Variants in EIF2D observed in about 807,000 individuals in gnomAD.
EIF2D encodes the protein eukaryotic translation initiation factor 2D.
A neutral mutation model predicts 77.4 loss-of-function variants in EIF2D; 56 were observed. The ratio of observed to expected loss-of-function variants is 0.72; its 90% CI spans 0.58 to 0.90. The LOEUF (loss-of-function observed/expected upper bound fraction) is 0.90. EIF2D is among the 40% of genes least tolerant of loss of function. The probability of loss-of-function intolerance (pLI) is 0.00; values close to 1 mark genes in which losing one functional copy is unlikely to be tolerated. For synonymous variants in EIF2D, 230 were observed against 271.0 expected (o/e 0.85, Z 1.49); for missense variants, 574 against 706.5 (o/e 0.81, Z 2.13).
intron 2 of EIF2D, 80 bp from the exon 3 acceptor site, chr1:206,609,539 C>T (rs1484153039): frequency 8.7e-6 from 10 of 1,155,436 alleles, no homozygotes; most frequent in Admixed American, 2.2e-5. Context: ...ACACTATGGT[C>T]ACTTTAATTA....
chr1:206,588,867 A>G (rs1348556587), downstream of EIF2D: 3 of 152,802 alleles, frequency 2.0e-5, no homozygotes, highest in African/African-American at 7.2e-5. Context: ...TAACATTAAT[A>G]GAAGGCATGG....
intron 2 of EIF2D, among the ~76,000 whole-genome samples, chr1:206,583,973 A>G (rs189743332): frequency 6.7e-4 from 102 of 152,332 alleles, no homozygotes; most frequent in African/African-American, 2.1e-3. Flanking sequence ...GTAAAGAGAT[A>G]CAGGAGGAAA....
chr1:206,611,084 G>C (rs1670459964), intron 2 of EIF2D, 100 bp downstream of exon 2: 3 of 1,156,348 alleles, frequency 2.6e-6, no homozygotes, highest in Non-Finnish European at 3.6e-6. Context: ...GAGATTTCGT[G>C]CTTGCTTATT....
In EIF2D at chr1:206,597,136, G is replaced by T. The variant is rs1669686436; in HGVS notation, c.1352C>A (p.Thr451Lys). 1 of 1,614,098 alleles carries T rather than the reference G, an allele frequency of 6.2e-7. No individual in the cohort carries two copies. The highest frequency in any genetic ancestry group is 2.2e-5 in the East Asian group (1 of 44,872). ...DCILEKNEQH[T>K]VMKLPWDSLL... ...ACTGTCCCATGGAAGCTTCATGACT[G>T]TATGCTGTTCATTTTTCTCTAAGAT... The change falls in exon 12 of 15, where the codon ACA becomes AAA. Residue 451 changes from threonine (T) to lysine (K), a missense_variant. By Grantham distance (78) the Thr-to-Lys change is moderately conservative. Transcript: ENST00000271764.
At chr1:206,609,591 T>C in intron 2 of EIF2D, 132 bp from the exon 3 acceptor site, 1 of 661,240 alleles carries the variant, frequency 1.5e-6, no homozygotes. Flanking sequence ...AAGAGAAGGT[T>C]GTAAGGGGAT....
rs528259789 is a variant in EIF2D, at chr1:206,605,983, A to G, written c.423-476T>C. 2.6e-5 allele frequency among the ~76,000 whole-genome samples: 4 copies of G among 152,362 alleles called. No individual in the cohort carries two copies. In the South Asian group the frequency reaches 6.2e-4, roughly 24 times the overall value. On this transcript the variant is annotated intron_variant, in intron 4 of 14. Transcript: ENST00000271764. ...GAAGAGACACATAGTGGGGCCAACT[A>G]GAGAAGTTCCTTCTAAGTTGACTTT... is the stretch of plus-strand genomic sequence containing the variant.
chr1:206,572,185 C>A (rs71633592), intron 5 of EIF2D, among the ~76,000 whole-genome samples: 23,138 of 151,958 alleles, frequency 0.15, 2,236 homozygotes, highest in Middle Eastern at 0.35. Flanking sequence ...AGGGTGCATG[C>A]GTGTTACTGC....
downstream of EIF2D, among the ~76,000 whole-genome samples, chr1:206,590,062 G>A (rs1339415409): frequency 2.0e-5 from 3 of 152,158 alleles, no homozygotes; most frequent in East Asian, 1.9e-4. Flanking sequence ...AAAGTTGTAC[G>A]TTTGACATTG....
In EIF2D at chr1:206,599,698, C is replaced by T. The variant is rs782010052; in HGVS notation, c.1052+35G>A. The T allele has an allele frequency of 9.3e-6, 15 of 1,613,504 alleles. No individual in the cohort carries two copies. Among genetic ancestry groups the T allele is most frequent in the Non-Finnish European group, 1.2e-5 (14 of 1,179,636 alleles). On this transcript the variant is annotated intron_variant, in intron 9 of 14. Coordinates refer to ENST00000271764, the MANE Select transcript of EIF2D (RefSeq NM_006893.3). The surrounding 1 kb of genome is among the most constrained non-coding windows in gnomAD (Gnocchi z 4.1). The stretch of plus-strand genomic sequence containing the variant: ...GTCCGTGGCCCAGGTGCCCTGGGGC[C>T]AGCTGGGCTACAGTGACAGGCCCCC...
Position 206,605,494 on chromosome 1 carries a change from T to A in EIF2D, c.436A>T (p.Ile146Phe). The A allele has an allele frequency of 6.2e-7, 1 of 1,614,016 alleles. No homozygotes were observed. The highest frequency in any genetic ancestry group is 8.5e-7 in the Non-Finnish European group (1 of 1,179,964). ...SLVGNRAPVAIGVAAMSTAEM... is the reference protein window; with the variant it reads ...SLVGNRAPVAFGVAAMSTAEM... ...GCTGTGGACATGGCTGCAACTCCAA[T>A]GGCTACAGGGGCTCTAAGAAGAAGG... is the stretch of plus-strand genomic sequence containing the variant. Residue 146 changes from isoleucine to phenylalanine, a missense_variant, in exon 5 of 15, where the codon ATT becomes TTT. Coordinates refer to ENST00000271764, the MANE Select transcript of EIF2D (RefSeq NM_006893.3).
chr1:206,593,697 G>A lies in EIF2D; in HGVS notation c.1606C>T (p.Pro536Ser). The A allele has an allele frequency of 1.2e-6, 2 of 1,614,014 alleles. No homozygotes were observed. The highest frequency in any genetic ancestry group is 1.7e-6 in the Non-Finnish European group (2 of 1,179,984). Residue 536 changes from proline to serine, a missense_variant, in exon 14 of 15, where the codon CCT becomes TCT. By Grantham distance (74) the Pro-to-Ser change is moderately conservative (BLOSUM62 -1). Coordinates refer to ENST00000271764, the MANE Select transcript of EIF2D (RefSeq NM_006893.3). ...AGGCTGTCCTTGGCCCCAGGGGCAGGATTGACGGTGGTGCTAGCCTGGCAT... is the reference window on the plus strand; with the variant it reads ...AGGCTGTCCTTGGCCCCAGGGGCAGAATTGACGGTGGTGCTAGCCTGGCAT... ...QRCQASTTVNPAPGAKDSLQV... is the reference protein window; with the variant it reads ...QRCQASTTVNSAPGAKDSLQV...
At chr1:206,578,233 AGTGTGT>A (rs58059864) in intron 4 of EIF2D, among the ~76,000 whole-genome samples, 43 of 117,580 alleles carry the variant, frequency 3.7e-4, no homozygotes, top group African/African-American at 8.1e-4. Flanking sequence ...AAAAAAAAAA[AGTGTGT>A]GTGTGTGTGT....
intron 4 of EIF2D, among the ~76,000 whole-genome samples, chr1:206,575,182 G>A (rs887611423): frequency 6.6e-6 from 1 of 152,114 alleles, no homozygotes; most frequent in Non-Finnish European, 1.5e-5. Context: ...GCCTGCAGAC[G>A]TTCCCATCTA....
chr1:206,604,584 A>T (rs1311570213), intron 5 of EIF2D: 2 of 150,506 alleles, frequency 1.3e-5, no homozygotes, highest in African/African-American at 4.9e-5. Context: ...AATACAAAAA[A>T]TTAGCCGGGC....
At chr1:206,596,987 G>T in intron 12 of EIF2D, 113 bp downstream of exon 12, 1 of 789,548 alleles carries the variant, frequency 1.3e-6, no homozygotes, top group Non-Finnish European at 2.1e-6. Context: ...GACTTGGTAT[G>T]AATTACAGAA....
downstream of EIF2D, among the ~76,000 whole-genome samples, chr1:206,569,453 A>G (rs2103549966): frequency 6.6e-6 from 1 of 152,280 alleles, no homozygotes; most frequent in East Asian, 1.9e-4. Context: ...TCAGATCTTT[A>G]AAGATGTCAG....
intron 13 of EIF2D, 56 bp downstream of exon 13, chr1:206,595,662 A>G (rs1669612034): frequency 1.1e-5 from 17 of 1,587,386 alleles, no homozygotes; most frequent in Non-Finnish European, 1.5e-5. Context: ...GGGAGACCAG[A>G]ACTTGGCAAG....
At position 206,599,606 on chromosome 1, in the gene EIF2D, T is replaced by C; in HGVS notation, c.1059A>G (p.Thr353=). 1.9e-6 allele frequency: 3 copies of C among 1,598,970 alleles called. No individual in the cohort carries two copies. The highest frequency in any genetic ancestry group is 2.6e-6 in the Non-Finnish European group (3 of 1,172,628). ...VAVDWKHPRI[T]SFVIPEPSPT... is the part of the protein sequence containing the mutation. ...GGGAGGGCTCGGGTATGACGAAAGA[T>C]GTAATCCTAAAACCCAGCAGAAGGA... The change falls in exon 10 of 15, where the codon ACA becomes ACG. Residue 353 remains threonine, a synonymous_variant. Transcript: ENST00000271764. This position sits in a 1 kb window ranked among gnomAD's most constrained non-coding sequence, Gnocchi z 4.1.
chr1:206,612,291 C>T lies in EIF2D; in HGVS notation c.52G>A (p.Asp18Asn), dbSNP rs986187988. 13 of 1,614,136 alleles carry T rather than the reference C, an allele frequency of 8.1e-6. No individual in the cohort carries two copies. Among genetic ancestry groups the T allele is most frequent in the Non-Finnish European group, 1.1e-5 (13 of 1,180,042 alleles). ...CAGGCCCCTTTCCTCCCTCACCTGTCCGACCCCTTGATGGCCGTGTTGGAC... is the reference window on the plus strand; with the variant it reads ...CAGGCCCCTTTCCTCCCTCACCTGTTCGACCCCTTGATGGCCGTGTTGGAC... The part of the protein sequence containing the change: ...VKSNTAIKGS[D>N]RRKLRADVTT... The change falls in exon 1 of 15, where the codon GAC (aspartate) becomes AAC (asparagine). Residue 18 changes from aspartate to asparagine, a missense_variant. Transcript: ENST00000271764.
Sources: allele counts gnomAD v4.1 joint callset (sites outside exome capture counted in the v4.1 genomes callset), GRCh38; gene constraint gnomAD v4.1.1; non-coding constraint Gnocchi (gnomAD v3.1); transcripts MANE v1.5; gene names NCBI Gene and HGNC (gene_info 2026-07-23, HGNC 2026-07-21).